The following INCENP variants were observed in gnomAD, a reference collection of about 807,000 sequenced individuals.
INCENP encodes the protein binds and activates aurora-B and -C in vivo and in vitro.
INCENP carries 43 observed loss-of-function variants against 107.3 expected under a neutral mutation model. The ratio of observed to expected loss-of-function variants is 0.40; its 90% CI spans 0.31 to 0.52. The LOEUF (loss-of-function observed/expected upper bound fraction) is 0.52. Ranked by LOEUF, INCENP falls within the 20% of genes least tolerant of loss-of-function variation. The pLI is 0.53. For synonymous variants in INCENP, 488 were observed against 494.4 expected, an observed-to-expected ratio of 0.99 and a Z score of 0.17; for missense variants, 1,089 against 1,250.9, an observed-to-expected ratio of 0.87 and a Z score of 1.95.
At position 62,130,451 on chromosome 11, in the gene INCENP, C is replaced by T. The variant is rs142623073; in HGVS notation, c.924C>T (p.Ile308=). 50 of 1,614,054 alleles carry T rather than the reference C, an allele frequency of 3.1e-5. No homozygotes were observed. In the Middle Eastern group the frequency reaches 1.5e-3, roughly 48 times the overall value. The change falls in exon 4 of 19, where the codon ATC becomes ATT. Residue 308 remains isoleucine (I), a synonymous_variant. Transcript: ENST00000394818. ...CTCAATCGGTGCGGCACAGCCCGAT[C>T]GCCCCGTCTTCCCCGAGTCCCCAAG... ...TDSQSVRHSP[I]APSSPSPQVL...
rs1944100572 is a variant in INCENP at position 62,140,799 on chromosome 11, C to T, written c.1439C>T (p.Ser480Phe). Residue 480 changes from serine (S) to phenylalanine (F), a missense_variant, in exon 9 of 19, where the codon TCC becomes TTC. By Grantham distance (155) the Ser-to-Phe change is radical (BLOSUM62 -2). Coordinates refer to ENST00000394818, the MANE Select transcript of INCENP (RefSeq NM_001040694.2). The stretch of plus-strand genomic sequence containing the variant: ...CAGCCCCCCAGGAGCAAGACCCCTT[C>T]CTCACCCTGCCCAGCCAGCAAGGTG... ...ELQPPRSKTPSSPCPASKVVR... is the reference protein window; with the variant it reads ...ELQPPRSKTPFSPCPASKVVR... The T allele has an allele frequency of 6.2e-7, 1 of 1,613,104 alleles. No homozygotes were observed. The highest frequency in any genetic ancestry group is 1.1e-5 in the South Asian group (1 of 91,022).
rs1230053130 is a variant in INCENP, at chr11:62,138,899, CAAT to C, written c.1186_1188del (p.Asn396del). 1 of 1,613,418 alleles carries C rather than the reference CAAT, an allele frequency of 6.2e-7. No homozygotes were observed. Among genetic ancestry groups the C allele is most frequent in the Non-Finnish European group, 8.5e-7 (1 of 1,179,336 alleles). On this transcript the variant is annotated inframe_deletion, in exon 7 of 19. Transcript: ENST00000394818. ...GGTTCTTTCCACAGGTCCCTGAGAACAATGGAAATAACTCGTGGCCCCACAATG... is the reference window on the plus strand; with the variant it reads ...GGTTCTTTCCACAGGTCCCTGAGAACGGAAATAACTCGTGGCCCCACAATG...
rs544976914 is a variant in INCENP, at chr11:62,136,284, C to T, written c.1064-1548C>T. ...GTGCAGCTGGCAGCTTAGAGACGAG[C>T]GCTTTTCACAGAGAGTTGGGTTTGC... is the stretch of plus-strand genomic sequence containing the variant. On this transcript the variant is annotated intron_variant, in intron 4 of 18. Transcript: ENST00000394818. 9.6e-4 allele frequency among the ~76,000 whole-genome samples: 146 copies of T among 152,288 alleles called. 1 individual carries two copies. The highest frequency in any genetic ancestry group is 3.4e-3 in the African/African-American group (142 of 41,558).
At chr11:62,150,521 TC>T (rs1366883524) in intron 18 of INCENP, among the ~76,000 whole-genome samples, 4 of 151,936 alleles carry the variant, frequency 2.6e-5, no homozygotes, top group Non-Finnish European at 5.9e-5. Flanking sequence ...TTCCTTAGAG[TC>T]CCATCCAGCA....
intron 4 of INCENP, among the ~76,000 whole-genome samples, chr11:62,133,619 G>A (rs1943935167): frequency 6.6e-6 from 1 of 152,218 alleles, no homozygotes; most frequent in African/African-American, 2.4e-5. Context: ...ATGTCGTGCA[G>A]ATGGCACTTA....
At chr11:62,139,370 C>T (rs61420140) in intron 7 of INCENP, among the ~76,000 whole-genome samples, 6,397 of 152,210 alleles carry the variant, frequency 0.042, 152 homozygotes, top group Non-Finnish European at 0.05. Flanking sequence ...TCCTGCTTTG[C>T]CTCCCCCGCC....
At position 62,138,618 on chromosome 11, in the gene INCENP, C is replaced by A. The variant is rs796477111; in HGVS notation, c.1116-95C>A. 21 of 1,239,996 alleles carry A rather than the reference C, an allele frequency of 1.7e-5. No homozygotes were observed. In the African/African-American group the frequency reaches 2.7e-4, roughly 16 times the overall value. The allele number at this position is 1,239,996 out of a possible 1,614,324, so 76.8% of individuals were successfully genotyped here. A position where few individuals can be genotyped will look rare whatever the true frequency, so the allele number is the denominator to read the frequency against. ...TGGCCAGGGCACCTTGTGTTGACCTCTTGGGTCCCCATCCCTGGAATGGTA... is the reference window on the plus strand; with the variant it reads ...TGGCCAGGGCACCTTGTGTTGACCTATTGGGTCCCCATCCCTGGAATGGTA... On this transcript the variant is annotated intron_variant, in intron 5 of 18. Transcript: ENST00000394818.
intron 1 of INCENP, among the ~76,000 whole-genome samples, chr11:62,125,762 T>G (rs1312573676): frequency 6.6e-6 from 1 of 152,248 alleles, no homozygotes; most frequent in African/African-American, 2.4e-5. Context: ...CAAATAGTCC[T>G]TGTTGCCAGG....
chr11:62,137,923 A>T, intron 5 of INCENP, 40 bp downstream of exon 5: 3 of 1,580,830 alleles, frequency 1.9e-6, no homozygotes. Flanking sequence ...GGCAGGGCAT[A>T]CCAGGACAGG....
intron 4 of INCENP, 40 bp downstream of exon 4, chr11:62,130,630 G>C (rs200784423): frequency 6.4e-7 from 1 of 1,560,108 alleles, no homozygotes; most frequent in East Asian, 2.2e-5. Context: ...GGTCCTTGGT[G>C]CCAGGCTCAG....
intron 14 of INCENP, among the ~76,000 whole-genome samples, 195 bp from the exon 15 acceptor site, chr11:62,146,463 G>A (rs557901516): frequency 6.6e-6 from 1 of 152,368 alleles, no homozygotes; most frequent in South Asian, 2.1e-4. Flanking sequence ...AGCAGCAGCT[G>A]TCACAAGATG....
At chr11:62,139,720 C>G (rs1944070329) in intron 7 of INCENP, among the ~76,000 whole-genome samples, 1 of 152,242 alleles carries the variant, frequency 6.6e-6, no homozygotes, top group Non-Finnish European at 1.5e-5. Context: ...CAGGGCCACA[C>G]CAGCTGCATG....
chr11:62,133,140 T>C (rs1943923551), intron 4 of INCENP, among the ~76,000 whole-genome samples: 1 of 152,074 alleles, frequency 6.6e-6, no homozygotes, highest in South Asian at 2.1e-4. Flanking sequence ...TGGGAGAGGC[T>C]CTCGGGCAGC....
intron 15 of INCENP, among the ~76,000 whole-genome samples, chr11:62,148,236 C>A (rs1416125336): frequency 6.6e-6 from 1 of 152,208 alleles, no homozygotes. Flanking sequence ...ACCCAAGTTA[C>A]AAGGAAAAGT....
chr11:62,135,042 C>A (rs1362138359), intron 4 of INCENP, among the ~76,000 whole-genome samples: 1 of 151,742 alleles, frequency 6.6e-6, no homozygotes, highest in African/African-American at 2.4e-5. Flanking sequence ...TACAGTGAGA[C>A]TCTGTCTCAA....
At chr11:62,145,849 AC>A in intron 14 of INCENP, 98 bp downstream of exon 14, 1 of 1,380,538 alleles carries the variant, frequency 7.2e-7, no homozygotes, top group Non-Finnish European at 9.7e-7. Flanking sequence ...TGTGGGGTTG[AC>A]CCAGACCATC....
At chr11:62,127,543 A>G (rs539408129) in intron 1 of INCENP, among the ~76,000 whole-genome samples, 11 of 152,240 alleles carry the variant, frequency 7.2e-5, no homozygotes, top group South Asian at 2.1e-4. Context: ...CCTTGAGGGC[A>G]TATCTCTGGA....
chr11:62,128,958 T>C (rs1187362884), intron 3 of INCENP, 75 bp downstream of exon 3: 2 of 1,002,076 alleles, frequency 2.0e-6, no homozygotes, highest in African/African-American at 1.6e-5. Flanking sequence ...AGTTTGATTC[T>C]GAAGGTGTTG....
chr11:62,147,348 TC>T (rs898015015), intron 15 of INCENP, among the ~76,000 whole-genome samples: 44 of 152,256 alleles, frequency 2.9e-4, no homozygotes, highest in Admixed American at 1.6e-3. Context: ...TTCAGACTGT[TC>T]CCCTGCCTTG....
Sources: gnomAD v4.1 joint callset for allele counts (sites outside exome capture counted in the v4.1 genomes callset) on GRCh38, gnomAD v4.1.1 for gene constraint, MANE v1.5 for transcripts, NCBI Gene and HGNC (gene_info 2026-07-23, HGNC 2026-07-21) for gene names.